Variants in DLC1 observed in about 807,000 individuals in gnomAD.
The protein encoded by DLC1 is DLC1 Rho GTPase activating protein.
In DLC1, 54 loss-of-function variants were observed where a neutral mutation model predicts 140.3. The ratio of observed to expected loss-of-function variants is 0.38; its 90% confidence interval spans 0.31 to 0.48. The LOEUF is 0.48. Ranked by LOEUF, DLC1 falls within the 20% of genes least tolerant of loss-of-function variation. The pLI, the probability that DLC1 is intolerant of heterozygous loss-of-function variation, is 0.96. For missense variants in DLC1, 2,536 were observed against 1,907.0 expected (o/e 1.33, Z -6.14); for synonymous variants, 986 against 728.1 (o/e 1.35, Z -5.70).
intron 5 of DLC1, among the ~76,000 whole-genome samples, chr8:13,227,705 G>A (rs1828862228): frequency 6.6e-6 from 1 of 152,174 alleles, no homozygotes; most frequent in African/African-American, 2.4e-5. Flanking sequence ...TGCAAGACAT[G>A]ACGAAAGATA....
At chr8:13,240,282 T>C (rs2117237957) in intron 5 of DLC1, among the ~76,000 whole-genome samples, 1 of 152,252 alleles carries the variant, frequency 6.6e-6, no homozygotes, top group South Asian at 2.1e-4. Flanking sequence ...GATTCAAAGG[T>C]GAAGAAAGGG....
chr8:13,132,677 C>T (rs1822210465), intron 5 of DLC1, among the ~76,000 whole-genome samples: 1 of 152,166 alleles, frequency 6.6e-6, no homozygotes, highest in African/African-American at 2.4e-5. Context: ...TGCGACCGAT[C>T]CGGAGCCCGC....
intron 5 of DLC1, among the ~76,000 whole-genome samples, chr8:13,186,098 A>G (rs1437653581): frequency 6.6e-6 from 1 of 152,004 alleles, no homozygotes; most frequent in African/African-American, 2.4e-5. Flanking sequence ...CTGCATTTCA[A>G]CCTTGGTGAA....
chr8:13,199,398 G>C (rs1281744822), intron 5 of DLC1, among the ~76,000 whole-genome samples: 1 of 151,764 alleles, frequency 6.6e-6, no homozygotes, highest in Non-Finnish European at 1.5e-5. Flanking sequence ...TTCCCAGGCT[G>C]GTCTAGAACT....
intron 5 of DLC1, chr8:13,276,733 G>T (rs181703874): frequency 1.1e-4 from 49 of 446,372 alleles, no homozygotes; most frequent in African/African-American, 7.3e-4. Context: ...CACATAGCAG[G>T]TCTTCCCTTC....
intron 2 of DLC1, among the ~76,000 whole-genome samples, chr8:13,478,802 A>T (rs1800553657): frequency 6.6e-6 from 1 of 152,228 alleles, no homozygotes; most frequent in Non-Finnish European, 1.5e-5. Context: ...GCAATTATTG[A>T]ATTTTTAATA....
intron 5 of DLC1, among the ~76,000 whole-genome samples, chr8:13,196,467 A>T (rs1393570759): frequency 2.0e-5 from 3 of 152,190 alleles, no homozygotes; most frequent in Non-Finnish European, 4.4e-5. Flanking sequence ...CACATAGGCC[A>T]TTATTTGGGA....
rs1818943171 is a variant in DLC1 at position 13,100,327 on chromosome 8, C to A, written c.2010G>T (p.Arg670=). 6.2e-7 allele frequency: 1 copy of A among 1,614,084 alleles called. No homozygotes were observed. Among genetic ancestry groups the A allele is most frequent in the African/African-American group, 1.3e-5 (1 of 74,950 alleles). ...AGCTCTTGAGCTTCAGGCTCTCCATCCGTTTCAGCAGACTGCGCGTCTTGG... is the reference window on the plus strand; with the variant it reads ...AGCTCTTGAGCTTCAGGCTCTCCATACGTTTCAGCAGACTGCGCGTCTTGG... ...AKSKTRSLLK[R]MESLKLKSSH... The change falls in exon 9 of 18, where the codon CGG becomes CGT. Residue 670 remains arginine (R), a synonymous_variant. Transcript: ENST00000276297.
At chr8:13,561,863 G>A (rs889068103) in intron 1 of DLC1, among the ~76,000 whole-genome samples, 3 of 152,144 alleles carry the variant, frequency 2.0e-5, no homozygotes, top group Admixed American at 6.5e-5. Context: ...TGTGTTGGAG[G>A]TATTAGTCAA....
At chr8:13,188,844 T>TATATATGTATATATATATATATATA (rs1491498157) in intron 5 of DLC1, among the ~76,000 whole-genome samples, 10 of 25,846 alleles carry the variant, frequency 3.9e-4, no homozygotes, top group Non-Finnish European at 7.4e-4. Context: ...TATATATATA[T>TATATATGTATATATATATATATATA]TTTTTTTTTT....
chr8:13,442,214 T>C (rs1798545918), intron 2 of DLC1, among the ~76,000 whole-genome samples: 1 of 152,160 alleles, frequency 6.6e-6, no homozygotes, highest in African/African-American at 2.4e-5. Context: ...CAAGATGGAT[T>C]AAAGACTTAA....
At chr8:13,310,288 G>A (rs888034754) in intron 4 of DLC1, among the ~76,000 whole-genome samples, 1 of 152,180 alleles carries the variant, frequency 6.6e-6, no homozygotes, top group Non-Finnish European at 1.5e-5. Flanking sequence ...CTGTTTAAGT[G>A]TATAGAAATT....
chr8:13,562,285 T>TAG (rs1329661720), intron 1 of DLC1, among the ~76,000 whole-genome samples: 7 of 151,854 alleles, frequency 4.6e-5, no homozygotes, highest in African/African-American at 7.2e-5. Context: ...CATAGACAAA[T>TAG]AGACAAACTG....
At chr8:13,412,369 C>T (rs993823878) in intron 2 of DLC1, among the ~76,000 whole-genome samples, 1 of 152,104 alleles carries the variant, frequency 6.6e-6, no homozygotes, top group African/African-American at 2.4e-5. Context: ...AAGTAGAACA[C>T]ATTCTTCAAC....
chr8:13,113,820 C>T (rs1038758939), intron 6 of DLC1, among the ~76,000 whole-genome samples: 1 of 152,146 alleles, frequency 6.6e-6, no homozygotes, highest in African/African-American at 2.4e-5. Context: ...GAGATATTCT[C>T]TGGAATGAAG....
intron 3 of DLC1, among the ~76,000 whole-genome samples, chr8:13,396,933 G>T (rs1837068572): frequency 6.6e-6 from 1 of 151,816 alleles, no homozygotes; most frequent in African/African-American, 2.4e-5. Context: ...TAATTTCCCT[G>T]TTACCCGCCC....
In DLC1 at chr8:13,464,022, G is replaced by A. The variant is rs1435269613; in HGVS notation, c.1023+35027C>T. Among the ~76,000 whole-genome samples the A allele has an allele frequency of 2.6e-5, 4 of 152,270 alleles. No individual in the cohort carries two copies. In the South Asian group the frequency reaches 6.2e-4, roughly 24 times the overall value. ...CAGTGAAAAGTTTTCCCAGAGTTAG[G>A]AAAGACTCAAGATATAGGCAAAATG... On this transcript the variant is annotated intron_variant, in intron 2 of 17. Coordinates refer to ENST00000276297, the MANE Select transcript of DLC1 (RefSeq NM_182643.3).
intron 1 of DLC1, among the ~76,000 whole-genome samples, chr8:13,529,088 T>TA (rs1199380965): frequency 6.6e-6 from 1 of 152,138 alleles, no homozygotes; most frequent in Admixed American, 6.6e-5. Context: ...CCAAAAAACA[T>TA]ACGATGTATA....
intron 7 of DLC1, among the ~76,000 whole-genome samples, chr8:13,104,472 A>G (rs1026461313): frequency 2.0e-5 from 3 of 152,102 alleles, no homozygotes; most frequent in East Asian, 1.9e-4. Context: ...CAAGGCCCCA[A>G]TTTTCCTGCC....
Sources: gnomAD v4.1 joint callset for allele counts (sites outside exome capture counted in the v4.1 genomes callset) on GRCh38, gnomAD v4.1.1 for gene constraint, MANE v1.5 for transcripts, NCBI Gene and HGNC (gene_info 2026-07-23, HGNC 2026-07-21) for gene names.